MAP4K3: variants seen among roughly 807,000 people sequenced by gnomAD.
MAP4K3 encodes MAPK/ERK kinase kinase kinase 3.
MAP4K3 carries 94 observed loss-of-function variants against 143.5 expected under a neutral mutation model. The ratio of observed to expected loss-of-function variants is 0.65; its 90% CI spans 0.55 to 0.78. MAP4K3 has a LOEUF of 0.78. Among genes scored for constraint, MAP4K3 ranks in the 30% least tolerant of loss-of-function variants. The pLI is 0.00. For missense variants in MAP4K3, 1,077 were observed against 1,068.1 expected (o/e 1.01, Z -0.12); for synonymous variants, 416 against 347.2 (o/e 1.20, Z -2.20).
At chr2:39,266,236 T>C (rs546437832) in intron 27 of MAP4K3, among the ~76,000 whole-genome samples, 9 of 152,238 alleles carry the variant, frequency 5.9e-5, no homozygotes, top group Non-Finnish European at 1.2e-4. Context: ...TCTCGCTTCC[T>C]GTTAACACTT....
chr2:39,315,635 A>C, intron 12 of MAP4K3: 1 of 424,548 alleles, frequency 2.4e-6, no homozygotes, highest in Non-Finnish European at 4.2e-6. Context: ...TCTTTGGCTA[A>C]ATACATATGA....
intron 2 of MAP4K3, among the ~76,000 whole-genome samples, chr2:39,369,386 A>C (rs1242060340): frequency 6.6e-6 from 1 of 151,698 alleles, no homozygotes; most frequent in Non-Finnish European, 1.5e-5. Flanking sequence ...ACCTCAGCTG[A>C]TCTGCCCGCC....
At chr2:39,271,377 G>A (rs763643841) in intron 26 of MAP4K3, among the ~76,000 whole-genome samples, 1 of 152,028 alleles carries the variant, frequency 6.6e-6, no homozygotes, top group South Asian at 2.1e-4. Context: ...CAAGGTACTC[G>A]AAAATTAAGG....
chr2:39,387,613 T>C (rs1447319617), intron 1 of MAP4K3, among the ~76,000 whole-genome samples: 1 of 152,206 alleles, frequency 6.6e-6, no homozygotes, highest in African/African-American at 2.4e-5. Context: ...ATGCAGGACT[T>C]TGGGCATAAA....
At position 39,267,244 on chromosome 2, in the gene MAP4K3, T is replaced by C. The variant is rs2148448260; in HGVS notation, c.1977A>G (p.Lys659=). The C allele has an allele frequency of 6.2e-7, 1 of 1,613,456 alleles. No individual in the cohort carries two copies. The highest frequency in any genetic ancestry group is 2.2e-5 in the East Asian group (1 of 44,862). The part of the protein sequence containing the change: ...HKLPDRILPR[K]FSVSAKIPET... ...CAGGGATTTTTGCTGATACAGAAAATTTCCTAAATGTAAATAAAAGTGAGT... is the reference window on the plus strand; with the variant it reads ...CAGGGATTTTTGCTGATACAGAAAACTTCCTAAATGTAAATAAAAGTGAGT... The change falls in exon 27 of 34, where the codon AAA becomes AAG. Residue 659 remains lysine, a synonymous_variant. Coordinates refer to ENST00000263881, the MANE Select transcript of MAP4K3 (RefSeq NM_003618.4).
chr2:39,288,258 T>G lies in MAP4K3; in HGVS notation c.1337A>C (p.Gln446Pro), dbSNP rs1196284240. 1 of 1,614,050 alleles carries G rather than the reference T, an allele frequency of 6.2e-7. No individual in the cohort carries two copies. The highest frequency in any genetic ancestry group is 1.1e-5 in the South Asian group (1 of 91,078). Reference sequence around the variant, plus strand: ...TTCATCCTCAGTAGAATGCATTTCCTGTGGTATGAAGATAGACTTAGGCTG... The same window carrying G: ...TTCATCCTCAGTAGAATGCATTTCCGGTGGTATGAAGATAGACTTAGGCTG... ...PPKPKSIFIP[Q>P]EMHSTEDENQ... The change falls in exon 20 of 34, where the codon CAG (glutamine) becomes CCG (proline). Residue 446 changes from glutamine to proline, a missense_variant. Physicochemically the swap from Gln to Pro is moderately conservative, Grantham distance 76. This residue lies in a region of MAP4K3 where 864 missense variants were observed against 801.2 expected (regional missense o/e 1.08). Coordinates refer to ENST00000263881, the MANE Select transcript of MAP4K3 (RefSeq NM_003618.4).
intron 2 of MAP4K3, among the ~76,000 whole-genome samples, chr2:39,373,524 T>C (rs1666136901): frequency 1.3e-5 from 2 of 152,144 alleles, no homozygotes; most frequent in Non-Finnish European, 2.9e-5. Flanking sequence ...TAACCAAGAT[T>C]TGGAAGCAAC....
chr2:39,407,420 T>C (rs760042254), intron 1 of MAP4K3, among the ~76,000 whole-genome samples: 3 of 150,044 alleles, frequency 2.0e-5, no homozygotes, highest in Non-Finnish European at 4.4e-5. Context: ...TCTGAAGAAG[T>C]GGTTTGGCTT....
intron 12 of MAP4K3, among the ~76,000 whole-genome samples, chr2:39,321,121 T>C (rs1008768796): frequency 6.6e-6 from 1 of 152,158 alleles, no homozygotes; most frequent in Non-Finnish European, 1.5e-5. Flanking sequence ...TAGCATTATA[T>C]CCTTAAACTC....
intron 2 of MAP4K3, among the ~76,000 whole-genome samples, chr2:39,371,560 A>C (rs1216469138): frequency 6.6e-6 from 1 of 152,214 alleles, no homozygotes; most frequent in Non-Finnish European, 1.5e-5. Flanking sequence ...TGTGATGCAA[A>C]TGAACTAAAT....
intron 8 of MAP4K3, among the ~76,000 whole-genome samples, chr2:39,328,036 GTT>G (rs1683549677): frequency 6.6e-6 from 1 of 152,210 alleles, no homozygotes; most frequent in African/African-American, 2.4e-5. Context: ...AGGTTTAAAA[GTT>G]AGCGAATGCT....
intron 26 of MAP4K3, among the ~76,000 whole-genome samples, chr2:39,268,935 T>G (rs1188126943): frequency 2.0e-5 from 3 of 152,036 alleles, no homozygotes; most frequent in African/African-American, 7.2e-5. Flanking sequence ...AAAAATAATT[T>G]TTAGAAGAAA....
rs756528140 is a variant in MAP4K3, at chr2:39,337,559, C to T, written c.333G>A (p.Leu111=). ...TTTCTCTGCTAACATATGCAATTTG[C>T]AGTTCTGACAGAGGTCCAGTTACTG... The part of the protein sequence containing the change: ...IYHVTGPLSE[L]QIAYVSRETL... Residue 111 remains leucine, a synonymous_variant, in exon 5 of 34, where the codon CTG becomes CTA. Transcript: ENST00000263881. 1 of 1,611,032 alleles carries T rather than the reference C, an allele frequency of 6.2e-7. No individual in the cohort carries two copies. The highest frequency in any genetic ancestry group is 8.5e-7 in the Non-Finnish European group (1 of 1,177,778).
intron 2 of MAP4K3, among the ~76,000 whole-genome samples, chr2:39,374,522 A>T (rs1009283132): frequency 6.6e-6 from 1 of 152,020 alleles, no homozygotes; most frequent in Admixed American, 6.6e-5. Context: ...TCTCTACTAA[A>T]AATACAAAAA....
At chr2:39,384,805 C>T (rs564308803) in intron 1 of MAP4K3, among the ~76,000 whole-genome samples, 1 of 152,146 alleles carries the variant, frequency 6.6e-6, no homozygotes, top group South Asian at 2.1e-4. Flanking sequence ...TTTAAAGATA[C>T]AGTTCTAGTA....
chr2:39,433,885 G>A (rs1394795101), intron 1 of MAP4K3, among the ~76,000 whole-genome samples: 1 of 152,152 alleles, frequency 6.6e-6, no homozygotes, highest in African/African-American at 2.4e-5. Flanking sequence ...AGTAAAATTT[G>A]AGTCATTTAG....
At chr2:39,426,016 C>G (rs74772936) in intron 1 of MAP4K3, among the ~76,000 whole-genome samples, 6,385 of 152,066 alleles carry the variant, frequency 0.042, 168 homozygotes, top group Middle Eastern at 0.082. Context: ...AAGTATCTCC[C>G]CATAATTTAC....
Position 39,331,844 on chromosome 2 carries a change from A to C in MAP4K3, c.530+73T>G, listed in dbSNP as rs1683691290. The C allele has an allele frequency of 4.1e-6, 4 of 979,098 alleles. No homozygotes were observed. In the South Asian group the frequency reaches 8.3e-5, roughly 20 times the overall value. The allele number at this position is 979,098 out of a possible 1,614,324, so 60.7% of individuals were successfully genotyped here. A position where few individuals can be genotyped will look rare whatever the true frequency, so the allele number is the denominator to read the frequency against. On this transcript the variant is annotated intron_variant, in intron 8 of 33. Coordinates refer to ENST00000263881, the MANE Select transcript of MAP4K3 (RefSeq NM_003618.4). Reference sequence around the variant, plus strand: ...AATCTTAGTCTGAAAAATTCTGACCAGTCTATTTTTTAGAAATGCTATATC... The same window carrying C: ...AATCTTAGTCTGAAAAATTCTGACCCGTCTATTTTTTAGAAATGCTATATC...
chr2:39,346,301 C>A (rs1056415047), intron 3 of MAP4K3, among the ~76,000 whole-genome samples: 1 of 152,190 alleles, frequency 6.6e-6, no homozygotes, highest in African/African-American at 2.4e-5. Context: ...TGTAGTTAAT[C>A]AAAACCTCTG....
Sources: allele counts gnomAD v4.1 joint callset (sites outside exome capture counted in the v4.1 genomes callset), GRCh38; gene constraint gnomAD v4.1.1; regional missense constraint gnomAD v4.1.1; transcripts MANE v1.5; gene names NCBI Gene and HGNC (gene_info 2026-07-23, HGNC 2026-07-21).